Variants in MVB12B observed in about 807,000 individuals in gnomAD.
MVB12B encodes ESCRT-I complex subunit MVB12B.
MVB12B carries 16 observed loss-of-function variants against 41.6 expected under a neutral mutation model. The ratio of observed to expected loss-of-function variants is 0.38; its 90% confidence interval spans 0.26 to 0.58. The LOEUF (loss-of-function observed/expected upper bound fraction) is 0.58, where lower values mean the gene tolerates loss of function less well. Among genes scored for constraint, MVB12B ranks in the 20% least tolerant of loss-of-function variants. MVB12B has a pLI of 0.62. For missense variants in MVB12B, 274 were observed against 380.2 expected (o/e 0.72, Z 2.32); for synonymous variants, 133 against 139.7 (o/e 0.95, Z 0.34).
At chr9:126,406,042 T>G (rs143948685) in intron 6 of MVB12B, among the ~76,000 whole-genome samples, 1 of 151,272 alleles carries the variant, frequency 6.6e-6, no homozygotes, top group East Asian at 1.9e-4. Context: ...TGTTTTGGTT[T>G]TGTGGGGGGT....
intron 9 of MVB12B, among the ~76,000 whole-genome samples, chr9:126,502,737 G>A (rs1833985609): frequency 6.6e-6 from 1 of 152,226 alleles, no homozygotes; most frequent in African/African-American, 2.4e-5. Context: ...GGGGTCCCTA[G>A]AGCCTGGCAG....
chr9:126,437,120 C>T (rs1832500553), intron 7 of MVB12B, among the ~76,000 whole-genome samples: 2 of 152,130 alleles, frequency 1.3e-5, no homozygotes, highest in South Asian at 4.1e-4. Context: ...TCGAGCCTTC[C>T]CATTGTTTTA....
intron 7 of MVB12B, among the ~76,000 whole-genome samples, chr9:126,450,887 A>G (rs1832875766): frequency 6.6e-6 from 1 of 152,156 alleles, no homozygotes; most frequent in South Asian, 2.1e-4. Flanking sequence ...AGGAGGAATG[A>G]CACCCTGTAT....
chr9:126,394,246 C>T (rs929881254), intron 5 of MVB12B, among the ~76,000 whole-genome samples: 1 of 152,198 alleles, frequency 6.6e-6, no homozygotes, highest in Admixed American at 6.5e-5. Flanking sequence ...ATGGCAGAAA[C>T]CAGCAATTTA....
intron 1 of MVB12B, among the ~76,000 whole-genome samples, chr9:126,338,295 G>C (rs1829343202): frequency 6.6e-6 from 1 of 152,234 alleles, no homozygotes; most frequent in Non-Finnish European, 1.5e-5. Flanking sequence ...GGGGCCGCCC[G>C]CAGCCATCTT....
In MVB12B at chr9:126,333,473, C is replaced by T. The variant is rs1402366600; in HGVS notation, c.81+6463C>T. Among the ~76,000 whole-genome samples the T allele has an allele frequency of 1.3e-5, 2 of 152,058 alleles. No homozygotes were observed. The highest frequency in any genetic ancestry group is 2.9e-5 in the Non-Finnish European group (2 of 68,028). ...AGCCTGGAGTGCAGTGGCACCATCT[C>T]AGCTCACTGCAACCTCCACCTCCTG... On this transcript the variant is annotated intron_variant, in intron 1 of 9. Transcript: ENST00000361171. The surrounding 1 kb of genome is among the most constrained non-coding windows in gnomAD (Gnocchi z 4.7).
At chr9:126,365,930 CAG>C (rs996628037) in intron 2 of MVB12B, among the ~76,000 whole-genome samples, 21 of 152,138 alleles carry the variant, frequency 1.4e-4, no homozygotes, top group Non-Finnish European at 2.8e-4. Context: ...AAAATGAAAA[CAG>C]GGGTAGCAGA....
intron 2 of MVB12B, among the ~76,000 whole-genome samples, chr9:126,365,455 C>T (rs1830151647): frequency 6.6e-6 from 1 of 151,822 alleles, no homozygotes; most frequent in Non-Finnish European, 1.5e-5. Flanking sequence ...GTCTCAGCCT[C>T]CCGAGTAGCT....
chr9:126,437,188 G>C (rs188208395), intron 7 of MVB12B, among the ~76,000 whole-genome samples: 2 of 152,272 alleles, frequency 1.3e-5, no homozygotes, highest in East Asian at 3.9e-4. Context: ...TGCTGTATTT[G>C]TTTGCTTGCG....
At chr9:126,358,648 G>A (rs1285747752) in intron 2 of MVB12B, among the ~76,000 whole-genome samples, 2 of 152,166 alleles carry the variant, frequency 1.3e-5, no homozygotes, top group Non-Finnish European at 2.9e-5. Flanking sequence ...TTGGTATTCT[G>A]CAATCTTGTT....
chr9:126,490,562 G>C (rs994464784), intron 9 of MVB12B, among the ~76,000 whole-genome samples: 1 of 152,210 alleles, frequency 6.6e-6, no homozygotes, highest in African/African-American at 2.4e-5. Flanking sequence ...GGCGGAGGAA[G>C]CACACATTAG....
intron 6 of MVB12B, among the ~76,000 whole-genome samples, chr9:126,404,249 C>G (rs187999171): frequency 6.6e-6 from 1 of 152,302 alleles, no homozygotes; most frequent in Non-Finnish European, 1.5e-5. Context: ...GCCACCACAC[C>G]CGGCCAACTC....
intron 2 of MVB12B, among the ~76,000 whole-genome samples, chr9:126,358,446 T>C (rs1588103386): frequency 6.6e-6 from 1 of 152,200 alleles, no homozygotes; most frequent in Admixed American, 6.5e-5. Context: ...TCCATGGATG[T>C]GGTACATCTC....
Position 126,457,263 on chromosome 9 carries a change from G to T in MVB12B, c.758-24106G>T, listed in dbSNP as rs528349932. ...TCACCAACATTAGCAGTTGGCTCTT[G>T]GGTGGGATCAGTTTTTTAAAATAAA... On this transcript the variant is annotated intron_variant, in intron 7 of 9. Coordinates refer to ENST00000361171, the MANE Select transcript of MVB12B (RefSeq NM_033446.3). Among the ~76,000 whole-genome samples the T allele has an allele frequency of 7.9e-5, 12 of 152,260 alleles. No individual in the cohort carries two copies. In the East Asian group the frequency reaches 1.9e-3, roughly 24 times the overall value.
chr9:126,481,149 CAG>C (rs1266720485), intron 7 of MVB12B: 3 of 580,094 alleles, frequency 5.2e-6, no homozygotes, highest in Admixed American at 3.1e-5. Context: ...GCCTGGTGCT[CAG>C]GGGATGACGA....
Position 126,340,629 on chromosome 9 carries a change from T to A in MVB12B, c.203T>A (p.Val68Glu). The A allele has an allele frequency of 6.2e-7, 1 of 1,613,976 alleles. No individual in the cohort carries two copies. The highest frequency in any genetic ancestry group is 1.1e-5 in the South Asian group (1 of 91,072). ...SRNRAPTGYD[V>E]VAQTADGVDA... Reference sequence around the variant, plus strand: ...AACCGAGCCCCGACAGGCTATGACGTAGTAAGTCAAGATACTAGTTTGTAC... The same window carrying A: ...AACCGAGCCCCGACAGGCTATGACGAAGTAAGTCAAGATACTAGTTTGTAC... Residue 68 changes from valine (V) to glutamate (E), a missense_variant and splice_region_variant, in exon 2 of 10, where the codon GTA (valine) becomes GAA (glutamate). Physicochemically the swap from Val to Glu is moderately radical, Grantham distance 121. Coordinates refer to ENST00000361171, the MANE Select transcript of MVB12B (RefSeq NM_033446.3). This position sits in a 1 kb window ranked among gnomAD's most constrained non-coding sequence, Gnocchi z 4.0.
chr9:126,374,109 A>T (rs1268188791), intron 2 of MVB12B, among the ~76,000 whole-genome samples: 1 of 152,256 alleles, frequency 6.6e-6, no homozygotes, highest in African/African-American at 2.4e-5. Flanking sequence ...GATGTCCTCT[A>T]ATCATTAGAA....
chr9:126,432,718 G>A (rs1334537481), intron 7 of MVB12B, among the ~76,000 whole-genome samples: 1 of 152,188 alleles, frequency 6.6e-6, no homozygotes, highest in African/African-American at 2.4e-5. Flanking sequence ...CCTGTGGTAC[G>A]TGGCAGGGCT....
intron 2 of MVB12B, among the ~76,000 whole-genome samples, chr9:126,371,396 C>T (rs1436217899): frequency 6.6e-6 from 1 of 152,220 alleles, no homozygotes; most frequent in Non-Finnish European, 1.5e-5. Context: ...TCTCGTGGGC[C>T]CCCCACGGAA....
Sources: gnomAD v4.1 joint callset for allele counts (sites outside exome capture counted in the v4.1 genomes callset) on GRCh38, gnomAD v4.1.1 for gene constraint, Gnocchi (gnomAD v3.1) non-coding constraint, MANE v1.5 for transcripts, NCBI Gene and HGNC (gene_info 2026-07-23, HGNC 2026-07-21) for gene names.